Variants in TMEM132B observed in about 807,000 individuals in gnomAD.
TMEM132B encodes transmembrane protein 132B.
Under a neutral mutation model 90.8 loss-of-function variants are expected in TMEM132B, and 18 were observed. The ratio of observed to expected loss-of-function variants is 0.20; its 90% confidence interval spans 0.14 to 0.29. The LOEUF (loss-of-function observed/expected upper bound fraction) is 0.29, where lower values mean the gene tolerates loss of function less well. Among genes scored for constraint, TMEM132B ranks in the 10% least tolerant of loss-of-function variants. The pLI is 1.00. For missense variants in TMEM132B, 1,096 were observed against 1,326.8 expected (o/e 0.83, Z 2.70); for synonymous variants, 504 against 523.3 (o/e 0.96, Z 0.50).
intron 3 of TMEM132B, among the ~76,000 whole-genome samples, chr12:125,424,515 C>T (rs1235728044): frequency 6.6e-6 from 1 of 152,164 alleles, no homozygotes; most frequent in African/African-American, 2.4e-5. Context: ...TACTTGGTTG[C>T]CTTAATTTTG....
chr12:125,191,945 T>C (rs1318217659), intron 1 of TMEM132B, among the ~76,000 whole-genome samples: 1 of 152,080 alleles, frequency 6.6e-6, no homozygotes, highest in Non-Finnish European at 1.5e-5. Context: ...TAAATAACAA[T>C]GGTGTGCTGA....
chr12:125,192,069 T>C (rs1483930826), intron 1 of TMEM132B, among the ~76,000 whole-genome samples: 2 of 152,232 alleles, frequency 1.3e-5, no homozygotes, highest in East Asian at 1.9e-4. Context: ...AGAAGAATCA[T>C]GTACCTCAGA....
rs1881388130 is a variant in TMEM132B, at chr12:125,459,788, T to C, written c.1106+44111T>C. Among the ~76,000 whole-genome samples, 2 of 152,162 alleles carry C rather than the reference T, an allele frequency of 1.3e-5. No homozygotes were observed. The highest frequency in any genetic ancestry group is 4.8e-5 in the African/African-American group (2 of 41,436). On this transcript the variant is annotated intron_variant, in intron 3 of 8. Transcript: ENST00000682704. The surrounding 1 kb of genome is among the most constrained non-coding windows in gnomAD (Gnocchi z 4.1). Reference sequence around the variant, plus strand: ...TGAATTGTAGCTCCCATAATTCCCATGTGTTATGGGAGGGACCTGGTGGGA... The same window carrying C: ...TGAATTGTAGCTCCCATAATTCCCACGTGTTATGGGAGGGACCTGGTGGGA...
At chr12:125,382,987 T>A (rs906847179) in intron 2 of TMEM132B, among the ~76,000 whole-genome samples, 1 of 152,238 alleles carries the variant, frequency 6.6e-6, no homozygotes, top group African/African-American at 2.4e-5. Context: ...GATAGAGTTC[T>A]TTTTTAGCAG....
chr12:125,325,950 C>T (rs1216095490), intron 1 of TMEM132B, among the ~76,000 whole-genome samples: 2 of 152,092 alleles, frequency 1.3e-5, no homozygotes, highest in Non-Finnish European at 2.9e-5. Flanking sequence ...GACCGAGTTT[C>T]TTTGACTTCC....
At chr12:125,360,055 C>T (rs776270055) in intron 2 of TMEM132B, among the ~76,000 whole-genome samples, 4 of 152,098 alleles carry the variant, frequency 2.6e-5, no homozygotes, top group Non-Finnish European at 4.4e-5. Context: ...ACCAGCCTGG[C>T]GACAGAGCAA....
Position 125,498,023 on chromosome 12 carries a change from C to T in TMEM132B, c.1107-21416C>T, listed in dbSNP as rs1566054590. On this transcript the variant is annotated intron_variant, in intron 3 of 8. Coordinates refer to ENST00000682704, the MANE Select transcript of TMEM132B (RefSeq NM_001366854.1). This position sits in a 1 kb window ranked among gnomAD's most constrained non-coding sequence, Gnocchi z 4.5. ...CACCATCCTGACTGTCATCCTTCAC[C>T]ACGCCAAAGGGGAAGAGAGCCCTGA... Among the ~76,000 whole-genome samples, 1 of 152,164 alleles carries T rather than the reference C, an allele frequency of 6.6e-6. No individual in the cohort carries two copies. Among genetic ancestry groups the T allele is most frequent in the African/African-American group, 2.4e-5 (1 of 41,434 alleles).
intron 1 of TMEM132B, among the ~76,000 whole-genome samples, chr12:125,255,402 A>G (rs902342467): frequency 2.6e-5 from 4 of 152,086 alleles, no homozygotes; most frequent in Non-Finnish European, 5.9e-5. Flanking sequence ...GCTGTGCTGT[A>G]GGCTTTAGGC....
intron 3 of TMEM132B, among the ~76,000 whole-genome samples, chr12:125,416,119 G>T (rs1435958361): frequency 6.6e-6 from 1 of 152,208 alleles, no homozygotes; most frequent in African/African-American, 2.4e-5. Context: ...ATTGCTGGAA[G>T]GCGGCCTGTC....
intron 1 of TMEM132B, among the ~76,000 whole-genome samples, chr12:125,259,538 G>A (rs754935616): frequency 3.3e-5 from 5 of 152,180 alleles, no homozygotes; most frequent in Non-Finnish European, 7.3e-5. Flanking sequence ...CTACTCATAA[G>A]GGCCGTTGGG....
At chr12:125,571,015 T>C (rs1326007500) in intron 4 of TMEM132B, among the ~76,000 whole-genome samples, 1 of 152,220 alleles carries the variant, frequency 6.6e-6, no homozygotes, top group Non-Finnish European at 1.5e-5. Flanking sequence ...AAACTAAGTT[T>C]TGTATCTATA....
Position 125,619,460 on chromosome 12 carries a change from G to A in TMEM132B, c.1438-24616G>A, listed in dbSNP as rs190385178. Among the ~76,000 whole-genome samples the A allele has an allele frequency of 7.8e-3, 1,181 of 152,122 alleles. 7 individuals are homozygous for A. The highest frequency in any genetic ancestry group is 0.017 in the Middle Eastern group (5 of 294). ...GCTCACTGCAACTTCTGCCTCCCGG[G>A]TTCAAGCAATTCTTTTGCCTCAGTC... On this transcript the variant is annotated intron_variant, in intron 5 of 8. Transcript: ENST00000682704.
intron 1 of TMEM132B, among the ~76,000 whole-genome samples, chr12:125,328,948 C>T (rs883124): frequency 0.25 from 37,295 of 151,996 alleles, 5,037 homozygotes; most frequent in East Asian, 0.48. Flanking sequence ...ACTTCAGTGC[C>T]GGGCACAGGA....
chr12:125,376,792 C>T (rs932854613), intron 2 of TMEM132B, among the ~76,000 whole-genome samples: 13 of 152,206 alleles, frequency 8.5e-5, no homozygotes, highest in Non-Finnish European at 1.0e-4. Flanking sequence ...CCTAGGATTC[C>T]GTGGCCATGG....
At chr12:125,210,929 C>T (rs991977517) in intron 1 of TMEM132B, among the ~76,000 whole-genome samples, 1 of 152,180 alleles carries the variant, frequency 6.6e-6, no homozygotes, top group Non-Finnish European at 1.5e-5. Flanking sequence ...TGCCACTGCA[C>T]TCTAGCCTGG....
intron 3 of TMEM132B, among the ~76,000 whole-genome samples, chr12:125,433,363 A>G (rs773353954): frequency 6.6e-6 from 1 of 152,032 alleles, no homozygotes; most frequent in African/African-American, 2.4e-5. Flanking sequence ...TTGAACTCCA[A>G]ATGGCTTTAT....
chr12:125,380,951 C>T (rs957647882), intron 2 of TMEM132B, among the ~76,000 whole-genome samples: 1 of 152,214 alleles, frequency 6.6e-6, no homozygotes, highest in Non-Finnish European at 1.5e-5. Context: ...AATGCACACC[C>T]TCTTCCCTGG....
intron 1 of TMEM132B, among the ~76,000 whole-genome samples, chr12:125,201,030 G>T (rs1408401185): frequency 2.6e-5 from 4 of 152,128 alleles, no homozygotes; most frequent in Admixed American, 2.0e-4. Context: ...ATGGAAAACT[G>T]TCTAAAAAGC....
chr12:125,195,371 G>A (rs1872900595), intron 1 of TMEM132B, among the ~76,000 whole-genome samples: 2 of 151,404 alleles, frequency 1.3e-5, no homozygotes, highest in South Asian at 4.2e-4. Flanking sequence ...CAGAGATGGA[G>A]CGCTGGGGAG....
Sources: gnomAD v4.1 joint callset for allele counts (sites outside exome capture counted in the v4.1 genomes callset) on GRCh38, gnomAD v4.1.1 for gene constraint, Gnocchi (gnomAD v3.1) non-coding constraint, MANE v1.5 for transcripts, NCBI Gene and HGNC (gene_info 2026-07-23, HGNC 2026-07-21) for gene names.